The following PWWP3A variants were observed in gnomAD, a reference collection of about 807,000 sequenced individuals.
PWWP3A encodes the protein PWWP domain-containing DNA repair factor 3A.
PWWP3A carries 53 observed loss-of-function variants against 79.0 expected under a neutral mutation model. The ratio of observed to expected loss-of-function variants is 0.67; its 90% CI spans 0.54 to 0.84. The LOEUF is 0.84. PWWP3A is among the 40% of genes least tolerant of loss of function. PWWP3A has a pLI of 0.00. For missense variants in PWWP3A, 973 were observed against 948.0 expected, an observed-to-expected ratio of 1.03 and a Z score of -0.35; for synonymous variants, 443 against 394.4, an observed-to-expected ratio of 1.12 and a Z score of -1.46.
At position 1,369,795 on chromosome 19, in the gene PWWP3A, G is replaced by C; in HGVS notation, c.1549+149G>C. The C allele has an allele frequency of 1.1e-6, 1 of 947,080 alleles. No homozygotes were observed. Among genetic ancestry groups the C allele is most frequent in the Non-Finnish European group, 1.7e-6 (1 of 593,918 alleles). The allele number at this position is 947,080 out of a possible 1,614,324, so 58.7% of individuals were successfully genotyped here. A position where few individuals can be genotyped will look rare whatever the true frequency, so the allele number is the denominator to read the frequency against. The stretch of plus-strand genomic sequence containing the variant: ...CATTGTTCAACCTCTATGAGGTTTT[G>C]ATGTGACCCTGAGGCTCCCTGGGAC... On this transcript the variant is annotated intron_variant, in intron 11 of 13. Coordinates refer to ENST00000591337, the MANE Select transcript of PWWP3A (RefSeq NM_001369789.1). The surrounding 1 kb of genome is among the most constrained non-coding windows in gnomAD (Gnocchi z 4.0).
chr19:1,367,267 A>G (rs769500947), intron 9 of PWWP3A, 47 bp downstream of exon 9: 20 of 1,447,868 alleles, frequency 1.4e-5, no homozygotes, highest in Admixed American at 1.2e-4. Context: ...TTACTTTGTG[A>G]TTAGTAAATA....
intron 4 of PWWP3A, chr19:1,358,772 A>G (rs571846304): frequency 1.4e-4 from 138 of 964,516 alleles, no homozygotes; most frequent in Admixed American, 3.4e-4. Flanking sequence ...TGCTGCCATA[A>G]GGGGGGAGGT....
Position 1,360,418 on chromosome 19 carries a change from G to A in PWWP3A, c.497G>A (p.Cys166Tyr). 2 of 1,614,158 alleles carry A rather than the reference G, an allele frequency of 1.2e-6. No homozygotes were observed. The highest frequency in any genetic ancestry group is 1.3e-5 in the African/African-American group (1 of 75,052). The change falls in exon 5 of 14, where the codon TGT becomes TAT. Residue 166 changes from cysteine (C) to tyrosine (Y), a missense_variant. Transcript: ENST00000591337. The surrounding 1 kb of genome is among the most constrained non-coding windows in gnomAD (Gnocchi z 4.4). Reference protein sequence around the residue: ...VQQSLSSSFTCEKDPECKVDH... With the variant: ...VQQSLSSSFTYEKDPECKVDH... ...CAAAGCCTGTCAAGTTCGTTCACTT[G>A]TGAAAAGGACCCCGAGTGCAAAGTG...
chr19:1,371,323 C>G (rs944405748), intron 12 of PWWP3A: 5 of 708,148 alleles, frequency 7.1e-6, no homozygotes, highest in Non-Finnish European at 1.0e-5. Flanking sequence ...TGCTTAGAAG[C>G]TGTCAGCACC....
intron 1 of PWWP3A, 71 bp downstream of exon 1, chr19:1,355,206 A>AGGGG (rs977736881): frequency 1.4e-5 from 2 of 144,626 alleles, no homozygotes; most frequent in Non-Finnish European, 3.0e-5. Context: ...GCCTGGGGGG[A>AGGGG]GGGGGGGCCC....
rs1452989617 is a variant in PWWP3A at position 1,369,063 on chromosome 19, G to T, written c.1423-202G>T. The T allele has an allele frequency of 1.8e-6, 1 of 570,024 alleles. No individual in the cohort carries two copies. Among genetic ancestry groups the T allele is most frequent in the South Asian group, 1.9e-5 (1 of 51,950 alleles). The allele number at this position is 570,024 out of a possible 1,614,324, so 35.3% of individuals were successfully genotyped here. On this transcript the variant is annotated intron_variant, in intron 9 of 13. Transcript: ENST00000591337. This position sits in a 1 kb window ranked among gnomAD's most constrained non-coding sequence, Gnocchi z 4.0. ...TTTGAGCAGCTCAGGGCCCAGACCT[G>T]TGCCTGGTGCGTTTCCCATTTACCA...
At chr19:1,356,159 C>A (rs1000539181) in intron 1 of PWWP3A, 165 bp from the exon 2 acceptor site, 6 of 473,328 alleles carry the variant, frequency 1.3e-5, no homozygotes, top group Non-Finnish European at 1.2e-5. Flanking sequence ...CCCGTCGTTT[C>A]TGTTTGTCAG....
chr19:1,376,038 T>G (rs1275993406), intron 13 of PWWP3A, among the ~76,000 whole-genome samples: 1 of 151,148 alleles, frequency 6.6e-6, no homozygotes, highest in African/African-American at 2.4e-5. Flanking sequence ...CTTGAACTCC[T>G]GATCTCGTGA....
intron 12 of PWWP3A, among the ~76,000 whole-genome samples, chr19:1,371,805 C>CTTTT (rs1237018248): frequency 1.1e-4 from 14 of 127,702 alleles, no homozygotes; most frequent in South Asian, 2.5e-4. Flanking sequence ...AACCCTCAAG[C>CTTTT]TTTTTTTTTT....
intron 13 of PWWP3A, 102 bp downstream of exon 13, chr19:1,373,262 C>T: frequency 9.7e-7 from 1 of 1,035,004 alleles, no homozygotes. Context: ...CGCAGCCCCT[C>T]TCCCTCATGA....
At chr19:1,363,514 A>C (rs1426266782) in intron 6 of PWWP3A, among the ~76,000 whole-genome samples, 1 of 152,162 alleles carries the variant, frequency 6.6e-6, no homozygotes, top group Non-Finnish European at 1.5e-5. Context: ...GCCCTCGGGA[A>C]GGGCCCTTTC....
rs556078608 is a variant in PWWP3A, at chr19:1,360,001, G to C, written c.215-135G>C. ...TTTTGGGAAAATGTAGGTGAGAAATGTTAGTCCTCCCCTTCAGTGATTTAG... is the reference window on the plus strand; with the variant it reads ...TTTTGGGAAAATGTAGGTGAGAAATCTTAGTCCTCCCCTTCAGTGATTTAG... On this transcript the variant is annotated intron_variant, in intron 4 of 13. Coordinates refer to ENST00000591337, the MANE Select transcript of PWWP3A (RefSeq NM_001369789.1). The surrounding 1 kb of genome is among the most constrained non-coding windows in gnomAD (Gnocchi z 4.4). 2.5e-4 allele frequency: 207 copies of C among 829,438 alleles called. 1 individual carries two copies. The Middle Eastern group carries it at 2.5e-3, about 10-fold the overall frequency. The allele number at this position is 829,438 out of a possible 1,614,324, so 51.4% of individuals were successfully genotyped here.
chr19:1,357,241 C>T, intron 3 of PWWP3A, 147 bp downstream of exon 3: 1 of 603,382 alleles, frequency 1.7e-6, no homozygotes, highest in South Asian at 2.2e-5. Context: ...TCATAATAAC[C>T]TCATGAGAAA....
At position 1,377,904 on chromosome 19, in the gene PWWP3A, G is replaced by T. The variant is rs2082433756; in HGVS notation, c.*1328G>T. 1 of 152,294 alleles carries T rather than the reference G, an allele frequency of 6.6e-6. No individual in the cohort carries two copies. The highest frequency in any genetic ancestry group is 2.4e-5 in the African/African-American group (1 of 41,472). 9.4% of individuals were successfully genotyped at this position (152,294 alleles called of 1,614,324 possible). ...GATTGTCTCAGATGCAGGGCGCTGT[G>T]CGGGACGAAGCCGCAAGGACTCTCG... On this transcript the variant is annotated 3_prime_UTR_variant, in exon 14 of 14. Transcript: ENST00000591337.
intron 3 of PWWP3A, chr19:1,357,308 G>A (rs2081895592): frequency 2.0e-6 from 1 of 489,250 alleles, no homozygotes; most frequent in East Asian, 3.5e-5. Context: ...GAGGCATTCT[G>A]TGAGATCTAT....
At chr19:1,376,382 C>G (rs1216039222) in intron 13 of PWWP3A, 137 bp from the exon 14 acceptor site, 1 of 567,694 alleles carries the variant, frequency 1.8e-6, no homozygotes, top group African/African-American at 1.9e-5. Context: ...TCCTGATCTC[C>G]TGACCTTGTG....
chr19:1,355,449 C>T (rs1458331086), intron 1 of PWWP3A, among the ~76,000 whole-genome samples: 1 of 138,786 alleles, frequency 7.2e-6, no homozygotes, highest in South Asian at 2.5e-4. Flanking sequence ...AACCCCATCT[C>T]TTGCCTGGAC....
intron 12 of PWWP3A, chr19:1,371,283 G>A (rs976986315): frequency 4.6e-5 from 34 of 732,394 alleles, no homozygotes; most frequent in Non-Finnish European, 6.6e-5. Flanking sequence ...AGACGGAGCC[G>A]CTTACTTGAC....
At chr19:1,366,971 A>G (rs2082142715) in intron 8 of PWWP3A, among the ~76,000 whole-genome samples, 189 bp from the exon 9 acceptor site, 1 of 152,160 alleles carries the variant, frequency 6.6e-6, no homozygotes, top group East Asian at 1.9e-4. Context: ...AGTGTTGCTG[A>G]AGTCACTGGA....
Sources: gnomAD v4.1 joint callset for allele counts (sites outside exome capture counted in the v4.1 genomes callset) on GRCh38, gnomAD v4.1.1 for gene constraint, Gnocchi (gnomAD v3.1) non-coding constraint, MANE v1.5 for transcripts, NCBI Gene and HGNC (gene_info 2026-07-23, HGNC 2026-07-21) for gene names.